Variants in DCUN1D4 observed in about 807,000 individuals in gnomAD.
The protein encoded by DCUN1D4 is DCN1-like protein 4.
Under a neutral mutation model 47.9 loss-of-function variants are expected in DCUN1D4, and 22 were observed. The ratio of observed to expected loss-of-function variants is 0.46; its 90% confidence interval spans 0.33 to 0.66. The LOEUF is 0.66. DCUN1D4 is among the 30% of genes least tolerant of loss of function. DCUN1D4 has a pLI of 0.02. For missense variants in DCUN1D4, 301 were observed against 340.8 expected (o/e 0.88, Z 0.92); for synonymous variants, 121 against 112.2 (o/e 1.08, Z -0.50).
At chr4:51,854,812 A>G (rs1407029469) in intron 1 of DCUN1D4, among the ~76,000 whole-genome samples, 2 of 152,222 alleles carry the variant, frequency 1.3e-5, no homozygotes, top group Admixed American at 6.5e-5. Flanking sequence ...GTACAGGTCA[A>G]GTGTCCTTTA....
At chr4:51,843,298 G>A (rs1405789555) in intron 1 of DCUN1D4, 31 bp downstream of exon 1, 1 of 1,510,068 alleles carries the variant, frequency 6.6e-7, no homozygotes, top group Admixed American at 2.1e-5. Context: ...CAGCGGGCCG[G>A]GGCCGGGCGG....
intron 10 of DCUN1D4, 47 bp downstream of exon 10, chr4:51,913,439 C>A: frequency 6.3e-7 from 1 of 1,575,876 alleles, no homozygotes; most frequent in Non-Finnish European, 8.7e-7. Flanking sequence ...ATTTCTATAT[C>A]ATCCTCATTG....
intron 2 of DCUN1D4, 77 bp downstream of exon 2, chr4:51,863,584 T>C (rs1432183770): frequency 6.3e-7 from 1 of 1,576,594 alleles, no homozygotes; most frequent in East Asian, 2.2e-5. Context: ...GATAAAAATT[T>C]AGATTCTAGA....
intron 1 of DCUN1D4, 50 bp downstream of exon 1, chr4:51,843,317 C>A: frequency 1.3e-6 from 2 of 1,495,168 alleles, no homozygotes; most frequent in African/African-American, 1.5e-5. Flanking sequence ...GGCTGCCAAA[C>A]TCGCCACTCG....
intron 8 of DCUN1D4, among the ~76,000 whole-genome samples, chr4:51,909,784 C>CA (rs1432612203): frequency 6.6e-6 from 1 of 152,206 alleles, no homozygotes; most frequent in African/African-American, 2.4e-5. Context: ...TATTCATGGA[C>CA]AGTCGTTACA....
intron 6 of DCUN1D4, among the ~76,000 whole-genome samples, chr4:51,889,988 A>G (rs1477103169): frequency 6.6e-6 from 1 of 152,242 alleles, no homozygotes; most frequent in Non-Finnish European, 1.5e-5. Context: ...GTACTAATTT[A>G]TTTGATGAAA....
intron 8 of DCUN1D4, chr4:51,909,121 G>A (rs907472903): frequency 1.5e-5 from 6 of 397,992 alleles, no homozygotes; most frequent in African/African-American, 6.3e-5. Context: ...GTCTGTCCAG[G>A]TCTTTTGTAT....
chr4:51,867,001 G>C (rs1726046364), intron 3 of DCUN1D4, among the ~76,000 whole-genome samples: 1 of 152,232 alleles, frequency 6.6e-6, no homozygotes, highest in South Asian at 2.1e-4. Flanking sequence ...GTGTGAGTTA[G>C]ACATGGAGCA....
chr4:51,882,437 A>G (rs1043595393), intron 5 of DCUN1D4, among the ~76,000 whole-genome samples: 6 of 152,198 alleles, frequency 3.9e-5, no homozygotes, highest in Admixed American at 3.9e-4. Context: ...CCATGTGCAG[A>G]GGCATGGCAA....
At chr4:51,913,488 A>G (rs2110150711) in intron 10 of DCUN1D4, 41 bp from the exon 11 acceptor site, 5 of 1,481,754 alleles carry the variant, frequency 3.4e-6, no homozygotes, top group East Asian at 2.4e-5. Flanking sequence ...TATTATTGTT[A>G]TTATTATTAT....
intron 1 of DCUN1D4, among the ~76,000 whole-genome samples, chr4:51,845,731 A>T (rs532626342): frequency 6.6e-6 from 1 of 152,332 alleles, no homozygotes; most frequent in East Asian, 1.9e-4. Context: ...AATTTTTCTG[A>T]TGATAAAAAT....
chr4:51,834,592 T>C, the DCUN1D4 span, among the ~76,000 whole-genome samples: 2 of 152,184 alleles, frequency 1.3e-5, no homozygotes, highest in African/African-American at 4.8e-5. Flanking sequence ...GTTCAAGCTC[T>C]TTTTAATCTT....
chr4:51,901,825 G>C (rs1732165964), intron 8 of DCUN1D4, among the ~76,000 whole-genome samples: 1 of 152,164 alleles, frequency 6.6e-6, no homozygotes, highest in Non-Finnish European at 1.5e-5. Flanking sequence ...GGTGAATTAA[G>C]CCCTTTCACA....
chr4:51,909,618 G>A (rs1364962137), intron 8 of DCUN1D4, among the ~76,000 whole-genome samples: 1 of 152,152 alleles, frequency 6.6e-6, no homozygotes, highest in Non-Finnish European at 1.5e-5. Context: ...CCCTGAGCAG[G>A]ACAATACATA....
At chr4:51,856,176 A>G (rs751402591) in intron 1 of DCUN1D4, among the ~76,000 whole-genome samples, 4 of 152,198 alleles carry the variant, frequency 2.6e-5, no homozygotes, top group Admixed American at 2.6e-4. Flanking sequence ...TAACATGGTC[A>G]CTATTTTGCC....
At chr4:51,879,212 C>T (rs1351277768) in intron 5 of DCUN1D4, among the ~76,000 whole-genome samples, 3 of 152,190 alleles carry the variant, frequency 2.0e-5, no homozygotes, top group Non-Finnish European at 4.4e-5. Flanking sequence ...CACATGGATG[C>T]TGTTAGCATT....
intron 8 of DCUN1D4, among the ~76,000 whole-genome samples, chr4:51,904,408 CTG>C (rs1732568076): frequency 6.6e-6 from 1 of 152,180 alleles, no homozygotes; most frequent in East Asian, 1.9e-4. Context: ...TGGCCAAAGA[CTG>C]AAGGAGACCA....
In DCUN1D4 at chr4:51,913,521, C is replaced by T. The variant is rs1014032348; in HGVS notation, c.824-8C>T. ...TATTATTACTACTGTTTCTCTCTTTCTCTCCAGGGCCAGTTTTGTTGGACG... is the reference window on the plus strand; with the variant it reads ...TATTATTACTACTGTTTCTCTCTTTTTCTCCAGGGCCAGTTTTGTTGGACG... On this transcript the variant is annotated splice_region_variant and splice_polypyrimidine_tract_variant and intron_variant, in intron 10 of 10. Coordinates refer to ENST00000334635, the MANE Select transcript of DCUN1D4 (RefSeq NM_001040402.3). 2.1e-5 allele frequency: 34 copies of T among 1,611,002 alleles called. No individual in the cohort carries two copies. Among genetic ancestry groups the T allele is most frequent in the Non-Finnish European group, 2.9e-5 (34 of 1,178,246 alleles).
At chr4:51,906,415 C>G (rs1246142123) in intron 8 of DCUN1D4, among the ~76,000 whole-genome samples, 1 of 152,176 alleles carries the variant, frequency 6.6e-6, no homozygotes, top group Non-Finnish European at 1.5e-5. Context: ...CAGAGAAATC[C>G]TCTTGAAGCT....
Sources: gnomAD v4.1 joint callset for allele counts (sites outside exome capture counted in the v4.1 genomes callset) on GRCh38, gnomAD v4.1.1 for gene constraint, MANE v1.5 for transcripts, NCBI Gene and HGNC (gene_info 2026-07-23, HGNC 2026-07-21) for gene names.